The following TRPC3 variants were observed in gnomAD, a reference collection of about 807,000 sequenced individuals.
The protein encoded by TRPC3 is transient receptor potential cation channel subfamily C member 3, also known as short transient receptor potential channel 3.
In TRPC3, 54 loss-of-function variants were observed where a neutral mutation model predicts 90.9. The ratio of observed to expected loss-of-function variants is 0.59; its 90% CI spans 0.48 to 0.75. The LOEUF (loss-of-function observed/expected upper bound fraction) is 0.75. Ranked by LOEUF, TRPC3 falls within the 30% of genes least tolerant of loss-of-function variation. The pLI is 0.00. For synonymous variants in TRPC3, 424 were observed against 450.9 expected, an observed-to-expected ratio of 0.94 and a Z score of 0.75; for missense variants, 918 against 1,194.5, an observed-to-expected ratio of 0.77 and a Z score of 3.41.
chr4:121,951,161 T>C lies in TRPC3; in HGVS notation c.215+305A>G, dbSNP rs1257145590. 1.3e-5 allele frequency among the ~76,000 whole-genome samples: 2 copies of C among 152,188 alleles called. No individual in the cohort carries two copies. The highest frequency in any genetic ancestry group is 2.9e-5 in the Non-Finnish European group (2 of 68,016). ...CCTCGGCTCTAATACAGGGAGTGGC[T>C]GCTCGCCAGGATGCTTGTCTGAAGT... On this transcript the variant is annotated intron_variant, in intron 1 of 11. Coordinates refer to ENST00000379645, the MANE Select transcript of TRPC3 (RefSeq NM_001130698.2). The surrounding 1 kb of genome is among the most constrained non-coding windows in gnomAD (Gnocchi z 4.4).
At position 121,876,999 on chromosome 4, in the gene TRPC3, G is replaced by A. The variant is rs1184112719; in HGVS notation, c.*2737C>T. On this transcript the variant is annotated 3_prime_UTR_variant, in exon 12 of 12. Transcript: ENST00000379645. ...GTTTTTTTCTATAAAGTTGTTTTTG[G>A]TCCTGTTTAAATGCTCCCTTCTCTG... Among the ~76,000 whole-genome samples, 1 of 152,092 alleles carries A rather than the reference G, an allele frequency of 6.6e-6. No homozygotes were observed. Among genetic ancestry groups the A allele is most frequent in the Non-Finnish European group, 1.5e-5 (1 of 68,010 alleles).
In TRPC3 at chr4:121,879,602, C is replaced by G; in HGVS notation, c.*134G>C. 1.1e-6 allele frequency: 1 copy of G among 927,652 alleles called. No homozygotes were observed. The highest frequency in any genetic ancestry group is 1.6e-6 in the Non-Finnish European group (1 of 635,244). 57.5% of individuals were successfully genotyped at this position (927,652 alleles called of 1,614,324 possible). A position where few individuals can be genotyped will look rare whatever the true frequency, so the allele number is the denominator to read the frequency against. On this transcript the variant is annotated 3_prime_UTR_variant, in exon 12 of 12. Transcript: ENST00000379645. ...GATAAAACAATAAAACCATTAAGAG[C>G]TAACTTTTAAAGGTTCACATGATAA... is the stretch of plus-strand genomic sequence containing the variant.
chr4:121,914,668 T>C, intron 4 of TRPC3, 112 bp downstream of exon 4: 1 of 1,139,666 alleles, frequency 8.8e-7, no homozygotes, highest in Non-Finnish European at 1.2e-6. Context: ...CTTGAATCAA[T>C]TAACATTCAG....
chr4:121,899,620 G>A lies in TRPC3; in HGVS notation c.2539C>T (p.Arg847Cys), dbSNP rs138232580. ...GTCTAATGAATGCTTACCTGATAAC[G>A]TGTTGGCTGATTGAGAATGCTGTTA... is the stretch of plus-strand genomic sequence containing the variant. ...SFNSILNQPTRYQQIMKRLIK... is the reference protein window; with the variant it reads ...SFNSILNQPTCYQQIMKRLIK... The change falls in exon 10 of 12, where the codon CGT (arginine) becomes TGT (cysteine). Residue 847 changes from arginine to cysteine, a missense_variant. Physicochemically the swap from Arg to Cys is radical, Grantham distance 180. Transcript: ENST00000379645. 35 of 1,612,878 alleles carry A rather than the reference G, an allele frequency of 2.2e-5. 1 individual carries two copies. The African/African-American group carries it at 3.7e-4, about 17-fold the overall frequency.
intron 3 of TRPC3, among the ~76,000 whole-genome samples, chr4:121,919,083 G>A (rs1484052838): frequency 6.6e-6 from 1 of 152,198 alleles, no homozygotes; most frequent in Non-Finnish European, 1.5e-5. Context: ...AAGAGAGAAT[G>A]CTTGACACAA....
At chr4:121,887,583 A>G (rs780559556) in intron 10 of TRPC3, among the ~76,000 whole-genome samples, 2 of 152,304 alleles carry the variant, frequency 1.3e-5, no homozygotes, top group Admixed American at 6.5e-5. Context: ...AGAGTCCACC[A>G]CCTGGGCCAA....
chr4:121,882,239 AG>A, intron 11 of TRPC3, 114 bp downstream of exon 11: 1 of 799,088 alleles, frequency 1.3e-6, no homozygotes, highest in African/African-American at 1.8e-5. Context: ...CTCCCATCTT[AG>A]AGGCATCCAA....
intron 10 of TRPC3, among the ~76,000 whole-genome samples, chr4:121,895,563 T>C (rs1346371651): frequency 6.6e-6 from 1 of 151,916 alleles, no homozygotes; most frequent in Admixed American, 6.6e-5. Context: ...TGAATAACCA[T>C]ATGCCAATAA....
rs200700924 is a variant in TRPC3 at position 121,910,344 on chromosome 4, A to G, written c.1602T>C (p.Pro534=). The change falls in exon 6 of 12, where the codon CCT becomes CCC. Residue 534 remains proline, a synonymous_variant. Transcript: ENST00000379645. ...TCCACAACTGCAAAATGTATTCCCT[A>G]GGTCCTTCCAGCCAGAGCTCTTTAC... ...SECKELWLEG[P]REYILQLWNV... is the part of the protein sequence containing the mutation. 6.2e-7 allele frequency: 1 copy of G among 1,613,774 alleles called. No individual in the cohort carries two copies.
intron 3 of TRPC3, among the ~76,000 whole-genome samples, chr4:121,918,297 C>T (rs1010409447): frequency 6.6e-6 from 1 of 152,296 alleles, no homozygotes; most frequent in Non-Finnish European, 1.5e-5. Context: ...TAAGTCTCTC[C>T]ATCTCAGGCA....
intron 9 of TRPC3, among the ~76,000 whole-genome samples, chr4:121,900,533 G>T: frequency 6.6e-6 from 1 of 152,144 alleles, no homozygotes; most frequent in Non-Finnish European, 1.5e-5. Context: ...ATTGTGCCTG[G>T]AGAAAACCTT....
chr4:121,904,815 C>T (rs1277452309), intron 7 of TRPC3, among the ~76,000 whole-genome samples: 1 of 152,078 alleles, frequency 6.6e-6, no homozygotes, highest in Non-Finnish European at 1.5e-5. Flanking sequence ...ATTCCTTTCT[C>T]CTACAAAAAT....
chr4:121,937,657 A>T (rs1387432899), intron 1 of TRPC3, among the ~76,000 whole-genome samples: 1 of 152,254 alleles, frequency 6.6e-6, no homozygotes, highest in African/African-American at 2.4e-5. Context: ...TGTACCTTTT[A>T]TGAGGATTAA....
intron 8 of TRPC3, among the ~76,000 whole-genome samples, chr4:121,903,817 A>G (rs3805158): frequency 0.29 from 43,474 of 152,066 alleles, 6,929 homozygotes; most frequent in East Asian, 0.43. Context: ...CAAAGCACTA[A>G]AAAGATACTG....
At chr4:121,910,074 C>A in intron 6 of TRPC3, 80 bp downstream of exon 6, 1 of 1,075,612 alleles carries the variant, frequency 9.3e-7, no homozygotes, top group South Asian at 1.4e-5. Flanking sequence ...ACTAAACATA[C>A]TCCAATTGGC....
At chr4:121,926,053 T>C (rs997188826) in intron 2 of TRPC3, among the ~76,000 whole-genome samples, 3 of 152,176 alleles carry the variant, frequency 2.0e-5, no homozygotes, top group African/African-American at 7.2e-5. Flanking sequence ...GTCAACTGTG[T>C]TAAAAACACC....
At chr4:121,893,315 A>G (rs998063084) in intron 10 of TRPC3, among the ~76,000 whole-genome samples, 3 of 152,174 alleles carry the variant, frequency 2.0e-5, no homozygotes, top group Non-Finnish European at 4.4e-5. Flanking sequence ...GTGGTTCTAC[A>G]GCATGAATAG....
At chr4:121,941,008 A>G (rs979525949) in intron 1 of TRPC3, among the ~76,000 whole-genome samples, 1 of 152,234 alleles carries the variant, frequency 6.6e-6, no homozygotes, top group East Asian at 1.9e-4. Context: ...ACTGAGGAGT[A>G]CAGAACTAGA....
Position 121,951,345 on chromosome 4 carries a change from G to T in TRPC3, c.215+121C>A. The T allele has an allele frequency of 3.4e-6, 2 of 587,908 alleles. No homozygotes were observed. The highest frequency in any genetic ancestry group is 4.6e-6 in the Non-Finnish European group (2 of 437,236). 36.4% of individuals were successfully genotyped at this position (587,908 alleles called of 1,614,324 possible). Reference sequence around the variant, plus strand: ...AAATCACTCCAAATCGAACTGCCTGGCCGTACCATGTGGGTCTCGGAGGTC... The same window carrying T: ...AAATCACTCCAAATCGAACTGCCTGTCCGTACCATGTGGGTCTCGGAGGTC... On this transcript the variant is annotated intron_variant, in intron 1 of 11. Coordinates refer to ENST00000379645, the MANE Select transcript of TRPC3 (RefSeq NM_001130698.2). The surrounding 1 kb of genome is among the most constrained non-coding windows in gnomAD (Gnocchi z 4.4).
Sources: gnomAD v4.1 joint callset for allele counts (sites outside exome capture counted in the v4.1 genomes callset) on GRCh38, gnomAD v4.1.1 for gene constraint, Gnocchi (gnomAD v3.1) non-coding constraint, MANE v1.5 for transcripts, NCBI Gene and HGNC (gene_info 2026-07-23, HGNC 2026-07-21) for gene names.